AADACL4: variants seen among roughly 807,000 people sequenced by gnomAD.
AADACL4 encodes arylacetamide deacetylase-like 4.
A neutral mutation model predicts 14.1 loss-of-function variants in AADACL4; 9 were observed. The ratio of observed to expected loss-of-function variants is 0.64; its 90% CI spans 0.39 to 1.12. The LOEUF (loss-of-function observed/expected upper bound fraction) is 1.12, where lower values mean the gene tolerates loss of function less well. Among genes scored for constraint, AADACL4 ranks in the 50% most tolerant of loss-of-function variants. The probability of loss-of-function intolerance (pLI) is 0.01; values close to 1 mark genes in which losing one functional copy is unlikely to be tolerated. For synonymous variants in AADACL4, 188 were observed against 201.6 expected (o/e 0.93, Z 0.57); for missense variants, 531 against 516.1 (o/e 1.03, Z -0.28).
chr1:12,662,317 G>T (rs1255413780), intron 3 of AADACL4, among the ~76,000 whole-genome samples: 1 of 152,178 alleles, frequency 6.6e-6, no homozygotes, highest in African/African-American at 2.4e-5. Flanking sequence ...AGAAAAAAAT[G>T]ATAGATACAG....
In AADACL4 at chr1:12,661,826, G is replaced by C; in HGVS notation, c.421G>C (p.Glu141Gln). 1 of 1,614,186 alleles carries C rather than the reference G, an allele frequency of 6.2e-7. No individual in the cohort carries two copies. Among genetic ancestry groups the C allele is most frequent in the Non-Finnish European group, 8.5e-7 (1 of 1,180,038 alleles). Reference protein sequence around the residue: ...YHGLCNYLARETESVLLMIGY... With the variant: ...YHGLCNYLARQTESVLLMIGY... ...TGGCCTGTGCAATTATCTGGCCCGG[G>C]AGACTGAATCTGTACTTCTGATGAT... The change falls in exon 3 of 4, where the codon GAG becomes CAG. Residue 141 changes from glutamate to glutamine, a missense_variant. Physicochemically the swap from Glu to Gln is conservative, Grantham distance 29. Transcript: ENST00000376221.
At chr1:12,648,852 C>T (rs80240540) in intron 1 of AADACL4, among the ~76,000 whole-genome samples, 2,847 of 152,282 alleles carry the variant, frequency 0.019, 88 homozygotes, top group African/African-American at 0.061. Flanking sequence ...AAAGTAACTT[C>T]GTGGCATAGC....
In AADACL4 at chr1:12,665,966, G is replaced by A. The variant is rs201735953; in HGVS notation, c.455G>A (p.Arg152His). 1.7e-4 allele frequency: 271 copies of A among 1,602,760 alleles called. 3 individuals are homozygous for A. The South Asian group carries it at 2.0e-3, about 12-fold the overall frequency. ...TESVLLMIGY[R>H]KLPDHHSPAL... ...GCTCCCTGTTTTCGTTTTAGGTACC[G>A]CAAGCTTCCTGACCACCATTCCCCT... The change falls in exon 4 of 4, where the codon CGC becomes CAC. Residue 152 changes from arginine (R) to histidine (H), a missense_variant. Physicochemically the swap from Arg to His is conservative, Grantham distance 29 (BLOSUM62 0). Transcript: ENST00000376221.
intron 3 of AADACL4, 84 bp downstream of exon 3, chr1:12,661,938 G>T (rs1025089812): frequency 2.1e-6 from 3 of 1,444,138 alleles, no homozygotes; most frequent in Non-Finnish European, 1.9e-6. Flanking sequence ...GATCAGAGAG[G>T]CCCTAACTCC....
chr1:12,656,105 G>A lies in AADACL4; in HGVS notation c.385+4766G>A, dbSNP rs151209760. 4.1e-3 allele frequency among the ~76,000 whole-genome samples: 631 copies of A among 152,354 alleles called. 8 individuals are homozygous for A. Among genetic ancestry groups the A allele is most frequent in the Middle Eastern group, 3.4e-3 (1 of 294 alleles). ...GTTTTTAAGAATGTGTCCCAAAGGG[G>A]AGTTGACAGAGACGGAAAGTTACCC... On this transcript the variant is annotated intron_variant, in intron 2 of 3. Transcript: ENST00000376221.
At chr1:12,657,187 C>G (rs953601530) in intron 2 of AADACL4, among the ~76,000 whole-genome samples, 1 of 145,670 alleles carries the variant, frequency 6.9e-6, no homozygotes, top group Non-Finnish European at 1.5e-5. Flanking sequence ...AAACCCCAAA[C>G]TACTCTGTGT....
chr1:12,658,757 C>A (rs1402566924), intron 2 of AADACL4, among the ~76,000 whole-genome samples: 21 of 151,588 alleles, frequency 1.4e-4, no homozygotes, highest in South Asian at 2.1e-4. Flanking sequence ...CCGTTTCCAC[C>A]CCCAGCGCTG....
At chr1:12,656,976 C>G (rs1303793835) in intron 2 of AADACL4, among the ~76,000 whole-genome samples, 1 of 151,892 alleles carries the variant, frequency 6.6e-6, no homozygotes, top group Admixed American at 6.6e-5. Flanking sequence ...CACCCCTTCT[C>G]TACAAAAAAT....
At chr1:12,646,793 G>A (rs574018149) in intron 1 of AADACL4, among the ~76,000 whole-genome samples, 3 of 152,304 alleles carry the variant, frequency 2.0e-5, no homozygotes, top group African/African-American at 4.8e-5. Context: ...AGCTTGTGGC[G>A]TCCTCTCTCG....
chr1:12,644,136 C>T lies in AADACL4; in HGVS notation c.-411C>T, dbSNP rs1647095356. On this transcript the variant is annotated 5_prime_UTR_variant, in exon 1 of 4. Coordinates refer to ENST00000376221, the MANE Select transcript of AADACL4 (RefSeq NM_001013630.2). ...AGACGTGCTGTGCTCACCCTAACCACACTCTGACAAGGAAAGCTGGCGAAG... is the reference window on the plus strand; with the variant it reads ...AGACGTGCTGTGCTCACCCTAACCATACTCTGACAAGGAAAGCTGGCGAAG... Among the ~76,000 whole-genome samples the T allele has an allele frequency of 6.6e-6, 1 of 152,180 alleles. No homozygotes were observed. Among genetic ancestry groups the T allele is most frequent in the South Asian group, 2.1e-4 (1 of 4,830 alleles).
chr1:12,666,073 G>A lies in AADACL4; in HGVS notation c.562G>A (p.Val188Met), dbSNP rs1477931978. The A allele has an allele frequency of 1.9e-6, 3 of 1,614,118 alleles. No individual in the cohort carries two copies. Among genetic ancestry groups the A allele is most frequent in the Admixed American group, 1.7e-5 (1 of 60,014 alleles). Residue 188 changes from valine (V) to methionine (M), a missense_variant, in exon 4 of 4, where the codon GTG becomes ATG. Coordinates refer to ENST00000376221, the MANE Select transcript of AADACL4 (RefSeq NM_001013630.2). ...CTATGGGGTGGACCCCTCCAGGGTT[G>A]TGGTCTGTGGAGAAAGCGTCGGAGG... is the stretch of plus-strand genomic sequence containing the variant. Reference protein sequence around the residue: ...ETYGVDPSRVVVCGESVGGAA... With the variant: ...ETYGVDPSRVMVCGESVGGAA...
chr1:12,651,223 C>T lies in AADACL4; in HGVS notation c.269C>T (p.Thr90Ile), dbSNP rs1036746421. Residue 90 changes from threonine (T) to isoleucine (I), a missense_variant, in exon 2 of 4, where the codon ACC becomes ATC. Coordinates refer to ENST00000376221, the MANE Select transcript of AADACL4 (RefSeq NM_001013630.2). ...RIKKDPELVVTDLRFGTIPVR... is the reference protein window; with the variant it reads ...RIKKDPELVVIDLRFGTIPVR... Reference sequence around the variant, plus strand: ...AAAAAGGACCCTGAACTTGTGGTGACCGACCTGCGTTTTGGGACGATACCC... The same window carrying T: ...AAAAAGGACCCTGAACTTGTGGTGATCGACCTGCGTTTTGGGACGATACCC... 6.2e-7 allele frequency: 1 copy of T among 1,614,224 alleles called. No individual in the cohort carries two copies. The highest frequency in any genetic ancestry group is 1.1e-5 in the South Asian group (1 of 91,086).
chr1:12,663,809 C>T (rs752434037), intron 3 of AADACL4, among the ~76,000 whole-genome samples: 7 of 152,300 alleles, frequency 4.6e-5, no homozygotes, highest in East Asian at 3.9e-4. Flanking sequence ...GGGGCCACCT[C>T]CCTGCAAGGA....
At chr1:12,662,072 A>T (rs1647237908) in intron 3 of AADACL4, among the ~76,000 whole-genome samples, 1 of 152,208 alleles carries the variant, frequency 6.6e-6, no homozygotes, top group Non-Finnish European at 1.5e-5. Context: ...TCAGCACAGC[A>T]ACTGTTAGAT....
intron 2 of AADACL4, among the ~76,000 whole-genome samples, chr1:12,654,922 C>A (rs2100762662): frequency 6.6e-6 from 1 of 152,284 alleles, no homozygotes; most frequent in African/African-American, 2.4e-5. Context: ...TTAATCTTTA[C>A]TGAATAAATA....
Position 12,661,817 on chromosome 1 carries a change from C to A in AADACL4, c.412C>A (p.Leu138Met), listed in dbSNP as rs748784919. 3.7e-6 allele frequency: 6 copies of A among 1,614,136 alleles called. No individual in the cohort carries two copies. The highest frequency in any genetic ancestry group is 4.5e-5 in the East Asian group (2 of 44,874). ...TTGTTACCATGGCCTGTGCAATTAT[C>A]TGGCCCGGGAGACTGAATCTGTACT... ...LDCYHGLCNY[L>M]ARETESVLLM... The change falls in exon 3 of 4, where the codon CTG becomes ATG. Residue 138 changes from leucine (L) to methionine (M), a missense_variant. Transcript: ENST00000376221.
intron 2 of AADACL4, among the ~76,000 whole-genome samples, chr1:12,657,291 T>C (rs919260852): frequency 8.6e-5 from 13 of 152,046 alleles, no homozygotes; most frequent in African/African-American, 3.1e-4. Flanking sequence ...AGGCTGTAGC[T>C]AGCTCCAAGA....
At chr1:12,664,768 A>G (rs1647285250) in intron 3 of AADACL4, among the ~76,000 whole-genome samples, 1 of 152,242 alleles carries the variant, frequency 6.6e-6, no homozygotes, top group South Asian at 2.1e-4. Context: ...CAATCAGTTA[A>G]GCCAAACTGT....
chr1:12,649,228 C>T (rs1034260188), intron 1 of AADACL4, among the ~76,000 whole-genome samples: 4 of 152,150 alleles, frequency 2.6e-5, no homozygotes, highest in Non-Finnish European at 5.9e-5. Context: ...GATGGCCCCA[C>T]GTGAACATGA....
Sources: gnomAD v4.1 joint callset for allele counts (sites outside exome capture counted in the v4.1 genomes callset) on GRCh38, gnomAD v4.1.1 for gene constraint, MANE v1.5 for transcripts, NCBI Gene and HGNC (gene_info 2026-07-23, HGNC 2026-07-21) for gene names.